Variants in PAM observed in about 807,000 individuals in gnomAD.
The protein encoded by PAM is peptidyl-glycine alpha-amidating monooxygenase.
A neutral mutation model predicts 122.1 loss-of-function variants in PAM; 72 were observed. The ratio of observed to expected loss-of-function variants is 0.59; its 90% CI spans 0.49 to 0.72. The LOEUF (loss-of-function observed/expected upper bound fraction) is 0.72, where lower values mean the gene tolerates loss of function less well. Among genes scored for constraint, PAM ranks in the 30% least tolerant of loss-of-function variants. PAM has a pLI of 0.00. For synonymous variants in PAM, 389 were observed against 404.4 expected (o/e 0.96, Z 0.46); for missense variants, 1,106 against 1,183.7 (o/e 0.93, Z 0.96).
chr5:102,954,235 TAGTGCACCTGTC>T (rs1380827546), intron 12 of PAM, among the ~76,000 whole-genome samples: 2 of 152,026 alleles, frequency 1.3e-5, no homozygotes, highest in Non-Finnish European at 2.9e-5. Context: ...TCTGTGATTT[TAGTGCACCTGTC>T]ACCCAAGCAA....
chr5:102,810,705 G>A (rs1456158782), intron 1 of PAM, among the ~76,000 whole-genome samples: 1 of 152,122 alleles, frequency 6.6e-6, no homozygotes, highest in Non-Finnish European at 1.5e-5. Context: ...GCGCATGCCT[G>A]TAATCCCAGC....
intron 15 of PAM, among the ~76,000 whole-genome samples, chr5:102,988,630 A>T (rs576658924): frequency 2.8e-5 from 4 of 142,776 alleles, no homozygotes; most frequent in Non-Finnish European, 5.9e-5. Context: ...AAGGAAAGGG[A>T]AAAAAAAGAA....
rs1562221867 is a variant in PAM at position 103,006,780 on chromosome 5, CT to C, written c.1804-17del. On this transcript the variant is annotated intron_variant, in intron 18 of 25. Transcript: ENST00000438793. ...TAATAACCATGAAAAGTAGGTAAGG[CT>C]TTTGTTCCTTTTTAAAAAGGTGTTC... 1 of 1,567,512 alleles carries C rather than the reference CT, an allele frequency of 6.4e-7. No homozygotes were observed. Among genetic ancestry groups the C allele is most frequent in the South Asian group, 1.1e-5 (1 of 88,988 alleles).
chr5:102,860,648 T>C (rs567628540), intron 1 of PAM, among the ~76,000 whole-genome samples: 5 of 151,740 alleles, frequency 3.3e-5, no homozygotes, highest in African/African-American at 1.2e-4. Context: ...ATCATGCCAC[T>C]GTACTCCAGC....
intron 23 of PAM, 92 bp downstream of exon 23, chr5:103,019,935 G>A (rs1473022443): frequency 1.2e-6 from 1 of 815,474 alleles, no homozygotes; most frequent in East Asian, 2.4e-5. Flanking sequence ...AAATTACCAG[G>A]CTAAAAATAT....
chr5:102,775,667 A>T (rs1421348694), intron 1 of PAM, among the ~76,000 whole-genome samples: 1 of 152,168 alleles, frequency 6.6e-6, no homozygotes, highest in Non-Finnish European at 1.5e-5. Flanking sequence ...AAAGGACATG[A>T]TCTCATTCCT....
At chr5:102,987,489 A>G in intron 15 of PAM, 1 of 449,586 alleles carries the variant, frequency 2.2e-6, no homozygotes, top group South Asian at 1.6e-5. Flanking sequence ...AATATAGTTA[A>G]CAACAATATA....
chr5:102,984,055 C>T (rs1210935845), intron 15 of PAM, among the ~76,000 whole-genome samples: 1 of 152,044 alleles, frequency 6.6e-6, no homozygotes, highest in African/African-American at 2.4e-5. Context: ...TATCTACCAT[C>T]ACAAAAACAC....
chr5:103,014,113 C>T (rs915091300), intron 21 of PAM, among the ~76,000 whole-genome samples: 1 of 152,172 alleles, frequency 6.6e-6, no homozygotes, highest in Non-Finnish European at 1.5e-5. Flanking sequence ...AGATGCTTAA[C>T]TTTCAGTTCT....
chr5:103,018,438 C>T (rs1219054443), intron 22 of PAM, among the ~76,000 whole-genome samples: 1 of 152,192 alleles, frequency 6.6e-6, no homozygotes, highest in African/African-American at 2.4e-5. Flanking sequence ...GTAGTCAGAA[C>T]TATCCTTTGG....
chr5:102,918,005 T>C (rs1398534380), intron 5 of PAM, among the ~76,000 whole-genome samples: 1 of 152,186 alleles, frequency 6.6e-6, no homozygotes, highest in Non-Finnish European at 1.5e-5. Flanking sequence ...ATTATATGCA[T>C]GTGCATTTAA....
chr5:102,867,148 T>G, intron 2 of PAM, 125 bp from the exon 3 acceptor site: 1 of 611,940 alleles, frequency 1.6e-6, no homozygotes, highest in Non-Finnish European at 2.9e-6. Flanking sequence ...TCATCACATC[T>G]TTAGAGTTTT....
At chr5:102,859,581 A>G (rs1783574254) in intron 1 of PAM, among the ~76,000 whole-genome samples, 1 of 152,120 alleles carries the variant, frequency 6.6e-6, no homozygotes, top group Non-Finnish European at 1.5e-5. Flanking sequence ...AGATTAATTT[A>G]TTATTGAAGA....
intron 1 of PAM, among the ~76,000 whole-genome samples, chr5:102,839,536 C>CAA (rs34092506): frequency 0.039 from 3,174 of 81,020 alleles, 109 homozygotes; most frequent in East Asian, 0.23. Context: ...GGCTCAGTCT[C>CAA]AAAAAAAAAA....
In PAM at chr5:103,003,103, A is replaced by C. The variant is rs748469656; in HGVS notation, c.1684A>C (p.Ile562Leu). 1.2e-6 allele frequency: 2 copies of C among 1,602,684 alleles called. No homozygotes were observed. Among genetic ancestry groups the C allele is most frequent in the South Asian group, 1.1e-5 (1 of 90,846 alleles). Residue 562 changes from isoleucine to leucine, a missense_variant, in exon 17 of 26, where the codon ATA becomes CTA. Ile to Leu is a conservative substitution (Grantham distance 5, BLOSUM62 2). Around this residue, in one of 3 missense-constraint regions of PAM, gnomAD observed 670 missense variants for 690.3 expected, o/e 0.97. Transcript: ENST00000438793. ...AATTGAAGAAGACACTATTCTTGTC[A>C]TAGATCCAAATAATGCTGCAGTACT... ...GPIEEDTILV[I>L]DPNNAAVLQS...
At chr5:102,905,171 T>C (rs1799161860) in intron 4 of PAM, among the ~76,000 whole-genome samples, 1 of 151,650 alleles carries the variant, frequency 6.6e-6, no homozygotes, top group Non-Finnish European at 1.5e-5. Flanking sequence ...ATTTGACCAC[T>C]GAACTGTGGT....
chr5:102,964,152 G>A (rs1260962018), intron 14 of PAM, among the ~76,000 whole-genome samples: 3 of 151,854 alleles, frequency 2.0e-5, no homozygotes, highest in African/African-American at 7.2e-5. Context: ...AAGAAAGCCA[G>A]TGATCATTAA....
chr5:102,854,056 C>G (rs918534159), intron 1 of PAM, among the ~76,000 whole-genome samples: 1 of 152,162 alleles, frequency 6.6e-6, no homozygotes, highest in African/African-American at 2.4e-5. Context: ...GCGGTTCAGT[C>G]CCTGCCCCAC....
chr5:102,910,875 T>G (rs1801201127), intron 4 of PAM, among the ~76,000 whole-genome samples: 1 of 151,936 alleles, frequency 6.6e-6, no homozygotes, highest in Non-Finnish European at 1.5e-5. Flanking sequence ...TGTATTGTGT[T>G]GTGTTGACAT....
Sources: allele counts gnomAD v4.1 joint callset (sites outside exome capture counted in the v4.1 genomes callset), GRCh38; gene constraint gnomAD v4.1.1; regional missense constraint gnomAD v4.1.1; transcripts MANE v1.5; gene names NCBI Gene and HGNC (gene_info 2026-07-23, HGNC 2026-07-21).